DNAH3: variants seen among roughly 807,000 people sequenced by gnomAD.
The protein encoded by DNAH3 is axonemal beta dynein heavy chain 3.
DNAH3 carries 332 observed loss-of-function variants against 432.5 expected under a neutral mutation model. The ratio of observed to expected loss-of-function variants is 0.77; its 90% CI spans 0.70 to 0.84. The LOEUF is 0.84. DNAH3 is among the 40% of genes least tolerant of loss of function. DNAH3 has a pLI of 0.00. For synonymous variants in DNAH3, 1,956 were observed against 1,900.2 expected, an observed-to-expected ratio of 1.03 and a Z score of -0.76; for missense variants, 4,861 against 5,114.0, an observed-to-expected ratio of 0.95 and a Z score of 1.51.
At chr16:21,096,056 C>T (rs1290188573) in intron 18 of DNAH3, among the ~76,000 whole-genome samples, 2 of 152,090 alleles carry the variant, frequency 1.3e-5, no homozygotes, top group African/African-American at 4.8e-5. Flanking sequence ...AGGTATGAGC[C>T]ACCATGACTG....
chr16:21,068,612 G>A (rs1239778699), intron 23 of DNAH3, among the ~76,000 whole-genome samples: 1 of 152,186 alleles, frequency 6.6e-6, no homozygotes, highest in Non-Finnish European at 1.5e-5. Flanking sequence ...ACCGCACTCA[G>A]CCAAGGCAGC....
Position 21,051,713 on chromosome 16 carries a change from A to G in DNAH3, c.4195T>C (p.Ser1399Pro), listed in dbSNP as rs768478465. ...AGGGGTGTGATCACCAGCCGGGGGG[A>G]GTTTCCCAGGTACTCATAGCCATAC... Residue 1399 changes from serine (S) to proline (P), a missense_variant, in exon 29 of 62, where the codon TCC becomes CCC. Transcript: ENST00000261383. 21 of 1,613,222 alleles carry G rather than the reference A, an allele frequency of 1.3e-5. 1 individual carries two copies. In the South Asian group the frequency reaches 2.2e-4, roughly 17 times the overall value.
chr16:20,967,560 T>C (rs1034775824), intron 52 of DNAH3, among the ~76,000 whole-genome samples: 3 of 135,088 alleles, frequency 2.2e-5, no homozygotes, highest in Admixed American at 1.7e-4. Flanking sequence ...TGGAGTGCAA[T>C]GGCGTGGTCT....
At chr16:21,033,882 G>T in intron 36 of DNAH3, 92 bp downstream of exon 36, 1 of 830,434 alleles carries the variant, frequency 1.2e-6, no homozygotes, top group South Asian at 1.6e-5. Flanking sequence ...ATCGAGGCCT[G>T]ACAAGACTAG....
chr16:21,084,463 C>T (rs2091297056), intron 19 of DNAH3, among the ~76,000 whole-genome samples: 1 of 152,072 alleles, frequency 6.6e-6, no homozygotes, highest in African/African-American at 2.4e-5. Flanking sequence ...GCTGGGACTA[C>T]AGGCATGTGC....
exon 32 of DNAH3, chr16:21,042,102 C>G (rs2089469760): frequency 6.2e-7 from 1 of 1,613,944 alleles, no homozygotes; most frequent in Non-Finnish European, 8.5e-7. Context: ...AGGTTGGGTT[C>G]AGAGAGAGCT....
chr16:21,145,375 A>G (rs762592449), exon 3 of DNAH3: 1 of 1,614,172 alleles, frequency 6.2e-7, no homozygotes, highest in South Asian at 1.1e-5. Context: ...GCGTTGCATC[A>G]AGGGCGGGTA....
intron 11 of DNAH3, among the ~76,000 whole-genome samples, chr16:21,119,168 A>G (rs1460733685): frequency 6.6e-6 from 1 of 152,212 alleles, no homozygotes; most frequent in East Asian, 1.9e-4. Context: ...GGTTTAGGGC[A>G]GCACAATTGG....
intron 2 of DNAH3, 39 bp from the exon 4 acceptor site, chr16:21,145,445 A>T (rs755171231): frequency 6.5e-7 from 1 of 1,549,344 alleles, no homozygotes; most frequent in African/African-American, 1.4e-5. Flanking sequence ...ACAATGAGGA[A>T]CATCTCTCGA....
chr16:21,154,864 ATTGT>A (rs1219868376), intron 1 of DNAH3, among the ~76,000 whole-genome samples: 2 of 152,108 alleles, frequency 1.3e-5, no homozygotes, highest in African/African-American at 4.8e-5. Context: ...CTGTACCAGA[ATTGT>A]TTGTTGTCTG....
intron 53 of DNAH3, among the ~76,000 whole-genome samples, chr16:20,961,935 T>C (rs2084842672): frequency 6.6e-6 from 1 of 150,870 alleles, no homozygotes; most frequent in Non-Finnish European, 1.5e-5. Flanking sequence ...CCGAGGTGGG[T>C]GGATCACTTG....
intron 21 of DNAH3, among the ~76,000 whole-genome samples, chr16:21,074,295 A>AG (rs1567744689): frequency 6.6e-6 from 1 of 152,174 alleles, no homozygotes; most frequent in African/African-American, 2.4e-5. Context: ...GAGAAAAACC[A>AG]GGGGTGCCTG....
At chr16:21,149,857 G>A (rs756609952) in intron 1 of DNAH3, among the ~76,000 whole-genome samples, 1 of 152,140 alleles carries the variant, frequency 6.6e-6, no homozygotes, top group South Asian at 2.1e-4. Flanking sequence ...AAAATGTGAT[G>A]AATACACTTG....
chr16:21,114,454 T>C (rs887047929), intron 12 of DNAH3, among the ~76,000 whole-genome samples: 1 of 152,300 alleles, frequency 6.6e-6, no homozygotes, highest in African/African-American at 2.4e-5. Context: ...AGAATTAACT[T>C]TGTGGGACTC....
chr16:21,058,080 A>G lies in DNAH3; in HGVS notation c.3924+6T>C, dbSNP rs1196025297. The stretch of plus-strand genomic sequence containing the variant: ...TCTTCTGTAACTTTGCAGCAAGTTC[A>G]CTTACCAGTAAGGTATTTTCCGCCA... On this transcript the variant is annotated splice_donor_region_variant and intron_variant, in intron 27 of 61. Coordinates refer to ENST00000261383, the Ensembl canonical transcript of DNAH3. 6.6e-7 allele frequency: 1 copy of G among 1,519,576 alleles called. No homozygotes were observed. Among genetic ancestry groups the G allele is most frequent in the South Asian group, 1.1e-5 (1 of 89,078 alleles). 94.1% of individuals were successfully genotyped at this position (1,519,576 alleles called of 1,614,324 possible).
At chr16:21,108,666 C>A (rs1466212303) in intron 14 of DNAH3, among the ~76,000 whole-genome samples, 1 of 152,120 alleles carries the variant, frequency 6.6e-6, no homozygotes, top group East Asian at 1.9e-4. Flanking sequence ...TGACATGAGC[C>A]CAGGAGGTCG....
chr16:21,102,613 TG>T (rs1443955960), intron 16 of DNAH3, among the ~76,000 whole-genome samples: 1 of 152,196 alleles, frequency 6.6e-6, no homozygotes, highest in Non-Finnish European at 1.5e-5. Flanking sequence ...ATGAGCCTTC[TG>T]TTTATTTATC....
exon 37 of DNAH3, chr16:21,031,185 A>G (rs1423975629): frequency 1.2e-6 from 2 of 1,613,926 alleles, no homozygotes; most frequent in Non-Finnish European, 8.5e-7. Flanking sequence ...CCATCCATCC[A>G]CTCGTGGCTC....
intron 26 of DNAH3, among the ~76,000 whole-genome samples, chr16:21,059,497 G>A (rs551230092): frequency 3.3e-5 from 5 of 152,148 alleles, no homozygotes; most frequent in East Asian, 3.9e-4. Context: ...TCAGTCAGCC[G>A]GGCACAGTGG....
Sources: gnomAD v4.1 joint callset for allele counts (sites outside exome capture counted in the v4.1 genomes callset) on GRCh38, gnomAD v4.1.1 for gene constraint, MANE v1.5 for transcripts, NCBI Gene and HGNC (gene_info 2026-07-23, HGNC 2026-07-21) for gene names.